The following EP400 variants were observed in gnomAD, a reference collection of about 807,000 sequenced individuals.
EP400 encodes the protein E1A-binding protein p400.
Under a neutral mutation model 354.1 loss-of-function variants are expected in EP400, and 105 were observed. The ratio of observed to expected loss-of-function variants is 0.30; its 90% CI spans 0.25 to 0.35. The LOEUF (loss-of-function observed/expected upper bound fraction) is 0.35. Ranked by LOEUF, EP400 falls within the 10% of genes least tolerant of loss-of-function variation. EP400 has a pLI of 1.00. For synonymous variants in EP400, 1,646 were observed against 1,716.9 expected (o/e 0.96, Z 1.02); for missense variants, 3,280 against 4,121.0 (o/e 0.80, Z 5.59).
chr12:132,043,953 C>A (rs1177113207), intron 34 of EP400, among the ~76,000 whole-genome samples: 1 of 152,124 alleles, frequency 6.6e-6, no homozygotes, highest in Admixed American at 6.5e-5. Flanking sequence ...TCGTAGGGAC[C>A]GTGGAGCTTG....
At chr12:132,032,923 C>G (rs1894571856) in intron 30 of EP400, among the ~76,000 whole-genome samples, 1 of 151,906 alleles carries the variant, frequency 6.6e-6, no homozygotes, top group Non-Finnish European at 1.5e-5. Flanking sequence ...GCCACTGTGC[C>G]CAGCCAAAAT....
rs1893824368 is a variant in EP400, at chr12:132,013,316, T to C, written c.3611+138T>C. The C allele has an allele frequency of 7.1e-7, 1 of 1,417,336 alleles. No homozygotes were observed. Among genetic ancestry groups the C allele is most frequent in the African/African-American group, 1.4e-5 (1 of 70,246 alleles). The allele number at this position is 1,417,336 out of a possible 1,614,324, so 87.8% of individuals were successfully genotyped here. On this transcript the variant is annotated intron_variant, in intron 17 of 52. Coordinates refer to ENST00000389561, the MANE Select transcript of EP400 (RefSeq NM_015409.5). This position sits in a 1 kb window ranked among gnomAD's most constrained non-coding sequence, Gnocchi z 4.5. ...TGCTTTTCATCTTCATCCCAGCACA[T>C]GGGCCAGAGAGCCCCAGAGCTGGGT... is the stretch of plus-strand genomic sequence containing the variant.
At chr12:132,071,629 CT>C (rs1896070526) in intron 51 of EP400, among the ~76,000 whole-genome samples, 1 of 152,176 alleles carries the variant, frequency 6.6e-6, no homozygotes, top group Non-Finnish European at 1.5e-5. Context: ...CTCCTGCTTC[CT>C]TTTTGCCATC....
intron 32 of EP400, 65 bp from the exon 33 acceptor site, chr12:132,043,239 C>T: frequency 6.5e-7 from 1 of 1,546,296 alleles, no homozygotes. Context: ...CATGGGATAG[C>T]TCTTTTTCAA....
At chr12:132,001,628 T>G (rs1893418423) in intron 12 of EP400, among the ~76,000 whole-genome samples, 1 of 152,134 alleles carries the variant, frequency 6.6e-6, no homozygotes, top group South Asian at 2.1e-4. Flanking sequence ...CCTTTCCCGG[T>G]CCGCTAAGTA....
At position 132,044,911 on chromosome 12, in the gene EP400, T is replaced by C; in HGVS notation, c.6742T>C (p.Tyr2248His). ...PIPEAKLPPV[Y>H]VRKERKRHKT... ...CCCAGAGGCTAAGCTGCCCCCTGTG[T>C]ACGTGAGGAAGGAGCGGAAGCGACA... The change falls in exon 37 of 53, where the codon TAC becomes CAC. Residue 2248 changes from tyrosine to histidine, a missense_variant. By Grantham distance (83) the Tyr-to-His change is moderately conservative. This residue lies in a region of EP400 where 231 missense variants were observed against 257.9 expected (regional missense o/e 0.90). Coordinates refer to ENST00000389561, the MANE Select transcript of EP400 (RefSeq NM_015409.5). The C allele has an allele frequency of 6.2e-7, 1 of 1,614,144 alleles. No homozygotes were observed. The highest frequency in any genetic ancestry group is 8.5e-7 in the Non-Finnish European group (1 of 1,180,014).
chr12:132,044,424 A>AT, intron 35 of EP400, 113 bp downstream of exon 35: 1 of 1,413,626 alleles, frequency 7.1e-7, no homozygotes. Context: ...ATGCCTAGGA[A>AT]TTTTTACTTC....
rs1450022867 is a variant in EP400, at chr12:131,990,813, G to A, written c.2629+99G>A. 5 of 824,824 alleles carry A rather than the reference G, an allele frequency of 6.1e-6. No individual in the cohort carries two copies. The highest frequency in any genetic ancestry group is 4.9e-5 in the East Asian group (2 of 41,002). 51.1% of individuals were successfully genotyped at this position (824,824 alleles called of 1,614,324 possible). The stretch of plus-strand genomic sequence containing the variant: ...TCCTGGCGCTGTGGCTTCCCACAGA[G>A]GACATCTGCTCATCAGCCAGCTGCC... On this transcript the variant is annotated intron_variant, in intron 9 of 52. Transcript: ENST00000389561. This position sits in a 1 kb window ranked among gnomAD's most constrained non-coding sequence, Gnocchi z 4.2.
At chr12:131,951,993 C>T (rs1456671319) in intron 1 of EP400, among the ~76,000 whole-genome samples, 1 of 151,468 alleles carries the variant, frequency 6.6e-6, no homozygotes, top group Non-Finnish European at 1.5e-5. Context: ...AACATGTTGG[C>T]CAGGCTGGTC....
intron 34 of EP400, 28 bp from the exon 35 acceptor site, chr12:132,044,149 T>A (rs747370543): frequency 1.2e-6 from 2 of 1,611,672 alleles, no homozygotes; most frequent in African/African-American, 2.7e-5. Context: ...CTCCTGATCC[T>A]GAAAGTTCTT....
intron 51 of EP400, among the ~76,000 whole-genome samples, chr12:132,074,790 A>G (rs1565937915): frequency 6.6e-6 from 1 of 152,158 alleles, no homozygotes; most frequent in African/African-American, 2.4e-5. Context: ...TTGATGATTT[A>G]TTATTTTATT....
At chr12:132,048,527 T>TC (rs1258213052) in intron 39 of EP400, among the ~76,000 whole-genome samples, 4 of 151,640 alleles carry the variant, frequency 2.6e-5, no homozygotes, top group African/African-American at 7.3e-5. Flanking sequence ...TGATTTTTTT[T>TC]TTTTTTTTTT....
intron 32 of EP400, among the ~76,000 whole-genome samples, chr12:132,042,598 A>T (rs1484925109): frequency 6.6e-6 from 1 of 152,140 alleles, no homozygotes; most frequent in African/African-American, 2.4e-5. Flanking sequence ...GTGTTATATC[A>T]CTTTGAGGGT....
At chr12:131,975,310 A>G (rs1425208602) in intron 2 of EP400, among the ~76,000 whole-genome samples, 1 of 152,168 alleles carries the variant, frequency 6.6e-6, no homozygotes, top group Non-Finnish European at 1.5e-5. Flanking sequence ...CCAGTTTTCT[A>G]GCACCGTTTG....
At chr12:131,978,916 C>T (rs1313973465) in intron 2 of EP400, among the ~76,000 whole-genome samples, 1 of 152,058 alleles carries the variant, frequency 6.6e-6, no homozygotes, top group Admixed American at 6.6e-5. Context: ...ATAAAAATAT[C>T]CTTTTAAAGC....
rs957106344 is a variant in EP400, at chr12:132,078,743, G to C, written c.*1070G>C. On this transcript the variant is annotated 3_prime_UTR_variant, in exon 53 of 53. Coordinates refer to ENST00000389561, the MANE Select transcript of EP400 (RefSeq NM_015409.5). ...AGTCAACTCTTCCTTGTGGACTTAC[G>C]ACAGCAGATTTTCTCTAGGATAAGC... The C allele has an allele frequency of 3.9e-5, 6 of 152,348 alleles. No homozygotes were observed. Among genetic ancestry groups the C allele is most frequent in the Admixed American group, 3.3e-4 (5 of 15,302 alleles). 9.4% of individuals were successfully genotyped at this position (152,348 alleles called of 1,614,324 possible).
Position 132,067,273 on chromosome 12 carries a change from T to C in EP400, c.8750-89T>C. The C allele has an allele frequency of 6.5e-7, 1 of 1,532,102 alleles. No individual in the cohort carries two copies. The highest frequency in any genetic ancestry group is 1.2e-5 in the South Asian group (1 of 80,150). 94.9% of individuals were successfully genotyped at this position (1,532,102 alleles called of 1,614,324 possible). ...TAGAGTTTCATAGTTTGTTATTTTC[T>C]GTAGAGGTGAGTCAGTTGGAACAGA... On this transcript the variant is annotated intron_variant, in intron 49 of 52. Coordinates refer to ENST00000389561, the MANE Select transcript of EP400 (RefSeq NM_015409.5). This position sits in a 1 kb window ranked among gnomAD's most constrained non-coding sequence, Gnocchi z 5.3.
In EP400 at chr12:132,055,256, A is replaced by G. The variant is rs1249324908; in HGVS notation, c.7884+48A>G. 7 of 1,395,624 alleles carry G rather than the reference A, an allele frequency of 5.0e-6. No individual in the cohort carries two copies. The South Asian group carries it at 9.3e-5, about 19-fold the overall frequency. 86.5% of individuals were successfully genotyped at this position (1,395,624 alleles called of 1,614,324 possible). On this transcript the variant is annotated intron_variant, in intron 45 of 52. Transcript: ENST00000389561. ...TGTGCACCTTGACTGCATTCTGCCGAAATTATTTGCTTGTCTGTTAATTCT... is the reference window on the plus strand; with the variant it reads ...TGTGCACCTTGACTGCATTCTGCCGGAATTATTTGCTTGTCTGTTAATTCT...
At chr12:131,964,447 G>A (rs1047136651) in intron 2 of EP400, among the ~76,000 whole-genome samples, 10 of 152,138 alleles carry the variant, frequency 6.6e-5, no homozygotes, top group African/African-American at 2.4e-4. Context: ...AGCCTGGGCA[G>A]TAGAGCAGGA....
Sources: allele counts gnomAD v4.1 joint callset (sites outside exome capture counted in the v4.1 genomes callset), GRCh38; gene constraint gnomAD v4.1.1; regional missense constraint gnomAD v4.1.1; non-coding constraint Gnocchi (gnomAD v3.1); transcripts MANE v1.5; gene names NCBI Gene and HGNC (gene_info 2026-07-23, HGNC 2026-07-21).